Variants in HECW1 observed in about 807,000 individuals in gnomAD.
The protein encoded by HECW1 is HECT, C2 and WW domain containing E3 ubiquitin protein ligase 1, also known as E3 ubiquitin-protein ligase HECW1.
HECW1 carries 61 observed loss-of-function variants against 182.3 expected under a neutral mutation model. The ratio of observed to expected loss-of-function variants is 0.33; its 90% CI spans 0.27 to 0.41. The LOEUF is 0.41. HECW1 is among the 10% of genes least tolerant of loss of function. HECW1 has a pLI of 1.00. For missense variants in HECW1, 1,739 were observed against 2,108.9 expected (o/e 0.82, Z 3.44); for synonymous variants, 859 against 832.6 (o/e 1.03, Z -0.55).
At chr7:43,235,372 AC>A (rs1186309824) in intron 2 of HECW1, among the ~76,000 whole-genome samples, 1 of 152,238 alleles carries the variant, frequency 6.6e-6, no homozygotes, top group Non-Finnish European at 1.5e-5. Flanking sequence ...ATACTTGGGA[AC>A]AAATACTAGA....
Position 43,468,112 on chromosome 7 carries a change from A to C in HECW1, c.2914-808A>C, listed in dbSNP as rs940038596. ...ACCAGCCCCCACCACACACACACAC[A>C]CCAACCCTGTGTACCGTCACATTGT... is the stretch of plus-strand genomic sequence containing the variant. On this transcript the variant is annotated intron_variant, in intron 15 of 29. Coordinates refer to ENST00000395891, the MANE Select transcript of HECW1 (RefSeq NM_015052.5). Among the ~76,000 whole-genome samples, 4 of 151,234 alleles carry C rather than the reference A, an allele frequency of 2.6e-5. 1 individual carries two copies. In the South Asian group the frequency reaches 8.4e-4, roughly 32 times the overall value.
intron 2 of HECW1, among the ~76,000 whole-genome samples, chr7:43,126,204 A>G (rs932474425): frequency 1.0e-4 from 15 of 146,160 alleles, no homozygotes; most frequent in Non-Finnish European, 1.8e-4. Context: ...TAATTGTTCT[A>G]TTTTCTCTTG....
intron 3 of HECW1, among the ~76,000 whole-genome samples, chr7:43,261,831 G>T (rs1390274500): frequency 6.6e-6 from 1 of 151,910 alleles, no homozygotes; most frequent in African/African-American, 2.4e-5. Context: ...GTAACTGGCA[G>T]GTTTTTGCTT....
chr7:43,205,833 A>G (rs1795423130), intron 2 of HECW1, among the ~76,000 whole-genome samples: 2 of 152,172 alleles, frequency 1.3e-5, no homozygotes, highest in South Asian at 4.1e-4. Context: ...TGGGAGAGTT[A>G]TAAGTGCCCA....
intron 6 of HECW1, among the ~76,000 whole-genome samples, chr7:43,364,431 G>A (rs543040059): frequency 6.6e-6 from 1 of 152,330 alleles, no homozygotes; most frequent in Non-Finnish European, 1.5e-5. Context: ...CCCTGTCACT[G>A]AGAACTCACG....
chr7:43,455,650 C>T (rs551200437), intron 12 of HECW1, among the ~76,000 whole-genome samples: 1 of 152,292 alleles, frequency 6.6e-6, no homozygotes, highest in East Asian at 1.9e-4. Flanking sequence ...ATTCATTAAA[C>T]AGTAGATTTT....
chr7:43,152,369 T>C (rs966614839), intron 2 of HECW1, among the ~76,000 whole-genome samples: 1 of 152,142 alleles, frequency 6.6e-6, no homozygotes, highest in African/African-American at 2.4e-5. Flanking sequence ...GGAATACAAC[T>C]GTGAACAAAA....
chr7:43,443,303 T>A (rs1236717335), intron 10 of HECW1, among the ~76,000 whole-genome samples: 1 of 152,250 alleles, frequency 6.6e-6, no homozygotes, highest in Non-Finnish European at 1.5e-5. Flanking sequence ...TCTTGAGAAC[T>A]TAGAGCCTGG....
chr7:43,358,938 C>T (rs375102457), intron 5 of HECW1, among the ~76,000 whole-genome samples: 20 of 149,476 alleles, frequency 1.3e-4, no homozygotes, highest in African/African-American at 3.9e-4. Context: ...AATTCTCCTG[C>T]TTCAGCCTTC....
At chr7:43,391,712 C>A (rs1385462728) in intron 6 of HECW1, among the ~76,000 whole-genome samples, 1 of 152,118 alleles carries the variant, frequency 6.6e-6, no homozygotes, top group Non-Finnish European at 1.5e-5. Flanking sequence ...GTGCTGCCTC[C>A]AACAGCAAGC....
intron 3 of HECW1, chr7:43,274,665 G>A (rs915026480): frequency 9.7e-6 from 3 of 310,174 alleles, no homozygotes; most frequent in Admixed American, 4.4e-5. Flanking sequence ...GAGAGAGAGC[G>A]AGAGAGAGCG....
intron 2 of HECW1, among the ~76,000 whole-genome samples, chr7:43,163,786 C>T (rs1470252186): frequency 6.6e-6 from 1 of 152,128 alleles, no homozygotes; most frequent in Non-Finnish European, 1.5e-5. Flanking sequence ...TTGGGTCTAA[C>T]CACTGAGAAA....
intron 21 of HECW1, among the ~76,000 whole-genome samples, chr7:43,503,189 A>G (rs997092494): frequency 6.6e-6 from 1 of 152,246 alleles, no homozygotes; most frequent in Non-Finnish European, 1.5e-5. Flanking sequence ...GACGCACAAC[A>G]TAATTAAATC....
intron 23 of HECW1, 131 bp from the exon 24 acceptor site, chr7:43,508,838 C>A: frequency 1.1e-6 from 1 of 871,766 alleles, no homozygotes; most frequent in Non-Finnish European, 1.8e-6. Context: ...GCATTCACTC[C>A]AAAGAGCAGA....
In HECW1 at chr7:43,228,534, G is replaced by A. The variant is rs145985504; in HGVS notation, c.-31-15341G>A. On this transcript the variant is annotated intron_variant, in intron 2 of 29. Transcript: ENST00000395891. ...GGGAACACTCAATGTTGTTGAGTTT[G>A]GGGGAGAAGAACACTTGCATGGATC... Among the ~76,000 whole-genome samples the A allele has an allele frequency of 3.7e-3, 563 of 152,250 alleles. 5 individuals carry two copies. Among genetic ancestry groups the A allele is most frequent in the African/African-American group, 0.013 (523 of 41,546 alleles).
rs548887573 is a variant in HECW1, at chr7:43,542,152, T to C, written c.4248+154T>C. Among the ~76,000 whole-genome samples the C allele has an allele frequency of 3.9e-5, 6 of 152,338 alleles. No homozygotes were observed. The East Asian group carries it at 1.2e-3, about 29-fold the overall frequency. On this transcript the variant is annotated intron_variant, in intron 26 of 29. Coordinates refer to ENST00000395891, the MANE Select transcript of HECW1 (RefSeq NM_015052.5). ...CCATCCAATCTCCAGAACTTTTTCATCTTGCAAAACAGAAACTGTACCCAT... is the reference window on the plus strand; with the variant it reads ...CCATCCAATCTCCAGAACTTTTTCACCTTGCAAAACAGAAACTGTACCCAT...
chr7:43,541,759 G>C, intron 25 of HECW1, 110 bp from the exon 26 acceptor site: 1 of 1,004,532 alleles, frequency 1.0e-6, no homozygotes, highest in Non-Finnish European at 1.3e-6. Context: ...GTATCCAATT[G>C]TTAGGATAAG....
intron 23 of HECW1, chr7:43,508,593 C>A (rs565659503): frequency 7.4e-6 from 2 of 269,280 alleles, no homozygotes; most frequent in South Asian, 6.0e-5. Flanking sequence ...TACACATACA[C>A]ACACACACAT....
At chr7:43,512,080 C>T (rs1202055449) in intron 24 of HECW1, 2 of 220,748 alleles carry the variant, frequency 9.1e-6, no homozygotes, top group Non-Finnish European at 1.8e-5. Flanking sequence ...GTGTCAGGTG[C>T]TCCTTCCACC....
Sources: allele counts gnomAD v4.1 joint callset (sites outside exome capture counted in the v4.1 genomes callset), GRCh38; gene constraint gnomAD v4.1.1; transcripts MANE v1.5; gene names NCBI Gene and HGNC (gene_info 2026-07-23, HGNC 2026-07-21).